Variants in GCNT4 observed in about 807,000 individuals in gnomAD.
GCNT4 encodes the protein glucosaminyl (N-acetyl) transferase 4, also known as beta-1,3-galactosyl-O-glycosyl-glycoprotein beta-1,6-N-acetylglucosaminyltransferase 4.
Under a neutral mutation model 31.3 loss-of-function variants are expected in GCNT4, and 17 were observed. That is an observed-to-expected ratio of 0.54 (90% CI 0.37 to 0.81). GCNT4 has a LOEUF of 0.81. GCNT4 is among the 40% of genes least tolerant of loss of function. The pLI, the probability that GCNT4 is intolerant of heterozygous loss-of-function variation, is 0.00. For missense variants in GCNT4, 503 were observed against 525.5 expected (o/e 0.96, Z 0.42); for synonymous variants, 158 against 190.6 (o/e 0.83, Z 1.41).
downstream of GCNT4, among the ~76,000 whole-genome samples, chr5:75,024,462 T>G (rs1281001725): frequency 6.6e-6 from 1 of 152,116 alleles, no homozygotes; most frequent in Non-Finnish European, 1.5e-5. Context: ...ACATACTGGG[T>G]AGGCTGGTGA....
At chr5:75,050,093 A>G (rs944849776) in intron 2 of GCNT4, among the ~76,000 whole-genome samples, 3 of 152,232 alleles carry the variant, frequency 2.0e-5, no homozygotes, top group African/African-American at 7.2e-5. Context: ...CCTGGTCCTA[A>G]GCTAGGCAGT....
At chr5:75,048,412 T>C (rs533595196) in intron 2 of GCNT4, among the ~76,000 whole-genome samples, 4 of 152,284 alleles carry the variant, frequency 2.6e-5, no homozygotes, top group South Asian at 4.1e-4. Context: ...CCCTGGTTCA[T>C]GGAGAATTGT....
At chr5:75,043,161 T>C (rs1218830471) in intron 3 of GCNT4, among the ~76,000 whole-genome samples, 1 of 152,286 alleles carries the variant, frequency 6.6e-6, no homozygotes, top group African/African-American at 2.4e-5. Flanking sequence ...TTGTTTAGTT[T>C]ACTAAGTGTC....
chr5:75,031,177 C>T (rs1202458965), intron 3 of GCNT4, among the ~76,000 whole-genome samples: 6 of 151,686 alleles, frequency 4.0e-5, no homozygotes, highest in Non-Finnish European at 7.4e-5. Context: ...TGGGCTCAAG[C>T]GATCCTCCTG....
downstream of GCNT4, among the ~76,000 whole-genome samples, chr5:75,024,719 C>T (rs1399213466): frequency 2.0e-5 from 3 of 151,980 alleles, no homozygotes; most frequent in East Asian, 1.9e-4. Flanking sequence ...AATCCCAGCA[C>T]TTTGGGAGGA....
At chr5:75,042,269 T>C (rs539910598) in intron 3 of GCNT4, among the ~76,000 whole-genome samples, 8 of 152,330 alleles carry the variant, frequency 5.3e-5, no homozygotes, top group African/African-American at 1.9e-4. Context: ...CTTCTTTTTC[T>C]ATAAAGTAGA....
Position 75,052,204 on chromosome 5 carries a change from C to A in GCNT4, c.-178G>T, listed in dbSNP as rs1743586610. ...TAAACGCATTATATTAGCCCCAACT[C>A]TGTTAATCTTCTGGTTTGTTGTTCT... On this transcript the variant is annotated 5_prime_UTR_variant, in exon 2 of 4. Transcript: ENST00000652361. 6.9e-6 allele frequency: 1 copy of A among 144,410 alleles called. No homozygotes were observed. Among genetic ancestry groups the A allele is most frequent in the African/African-American group, 2.6e-5 (1 of 38,496 alleles). 8.9% of individuals were successfully genotyped at this position (144,410 alleles called of 1,614,324 possible). A position where few individuals can be genotyped will look rare whatever the true frequency, so the allele number is the denominator to read the frequency against.
chr5:75,041,935 G>A (rs1013302736), intron 3 of GCNT4, among the ~76,000 whole-genome samples: 3 of 152,196 alleles, frequency 2.0e-5, no homozygotes, highest in African/African-American at 7.2e-5. Flanking sequence ...TCAAAAGGGA[G>A]TAAAACATTA....
chr5:75,029,205 T>C lies in GCNT4; in HGVS notation c.833A>G (p.Tyr278Cys). The change falls in exon 4 of 4, where the codon TAT becomes TGT. Residue 278 changes from tyrosine to cysteine, a missense_variant. Tyr to Cys is a radical substitution (Grantham distance 194). Coordinates refer to ENST00000652361, the MANE Select transcript of GCNT4 (RefSeq NM_001366737.1). The stretch of plus-strand genomic sequence containing the variant: ...GTTTGTCCTTATTGGTAGCTTCACA[T>C]ATTCATAAGGCACCCGTCTAAGTTC... ...HHELRRVPYE[Y>C]VKLPIRTNIS... 6.2e-7 allele frequency: 1 copy of C among 1,614,046 alleles called. No individual in the cohort carries two copies. Among genetic ancestry groups the C allele is most frequent in the Non-Finnish European group, 8.5e-7 (1 of 1,180,018 alleles).
upstream of GCNT4, among the ~76,000 whole-genome samples, chr5:75,053,948 C>G (rs1048318708): frequency 2.0e-5 from 3 of 152,166 alleles, no homozygotes; most frequent in Non-Finnish European, 4.4e-5. Context: ...AGCAAACTCA[C>G]ATCCGCGGCT....
upstream of GCNT4, among the ~76,000 whole-genome samples, chr5:75,053,790 A>G (rs574878228): frequency 6.6e-6 from 1 of 152,056 alleles, no homozygotes; most frequent in Non-Finnish European, 1.5e-5. Flanking sequence ...CGCGCTTCGG[A>G]CAAAGTTCTC....
chr5:75,040,943 A>C (rs1743302131), intron 3 of GCNT4, among the ~76,000 whole-genome samples: 1 of 117,488 alleles, frequency 8.5e-6, no homozygotes, highest in African/African-American at 5.0e-5. Flanking sequence ...TAATCTTTAG[A>C]GTTTTTTCCC....
intron 3 of GCNT4, among the ~76,000 whole-genome samples, chr5:75,040,185 T>A (rs929563503): frequency 8.3e-6 from 1 of 120,910 alleles, no homozygotes; most frequent in South Asian, 2.3e-4. Flanking sequence ...TCTGATAACT[T>A]TTTTTTTTTT....
chr5:75,024,743 A>G (rs1742921764), downstream of GCNT4, among the ~76,000 whole-genome samples: 1 of 152,074 alleles, frequency 6.6e-6, no homozygotes, highest in Non-Finnish European at 1.5e-5. Flanking sequence ...CGAGGTCAGG[A>G]GTTTGAGACC....
intron 3 of GCNT4, 145 bp from the exon 4 acceptor site, chr5:75,030,183 C>T: frequency 1.4e-6 from 1 of 717,746 alleles, no homozygotes; most frequent in Non-Finnish European, 2.3e-6. Context: ...TTGAAAGAAT[C>T]CAGAAATAAG....
At chr5:75,034,489 A>C (rs756990703) in intron 3 of GCNT4, among the ~76,000 whole-genome samples, 20 of 152,220 alleles carry the variant, frequency 1.3e-4, no homozygotes, top group Admixed American at 1.0e-3. Flanking sequence ...CACCTTCTGC[A>C]AGCACTGCAC....
chr5:75,039,769 T>C (rs2149966984), intron 3 of GCNT4, among the ~76,000 whole-genome samples: 1 of 152,282 alleles, frequency 6.6e-6, no homozygotes, highest in Non-Finnish European at 1.5e-5. Context: ...CAAAATAACC[T>C]TACCTGGCTT....
intron 3 of GCNT4, among the ~76,000 whole-genome samples, chr5:75,035,213 C>A (rs1743169821): frequency 1.3e-5 from 2 of 152,256 alleles, no homozygotes; most frequent in Non-Finnish European, 2.9e-5. Flanking sequence ...GCATTCAGGG[C>A]TAAATGGCTA....
At position 75,026,647 on chromosome 5, in the gene GCNT4, C is replaced by CAAAAAAAAAAAAAAAA. The variant is rs547466422; in HGVS notation, c.*2013_*2028dup. ...CATATACTATTTCAATCGATTCTCACAAAAAAAAAAAAAAAAAAAAAAAAA... is the reference window on the plus strand; with the variant it reads ...CATATACTATTTCAATCGATTCTCACAAAAAAAAAAAAAAAAAAAAAAAAAAAAAAAAAAAAAAAAA... On this transcript the variant is annotated 3_prime_UTR_variant, in exon 4 of 4. Transcript: ENST00000652361. The CAAAAAAAAAAAAAAAA allele has an allele frequency of 1.5e-5, 1 of 65,804 alleles. No individual in the cohort carries two copies. The highest frequency in any genetic ancestry group is 5.2e-5 in the African/African-American group (1 of 19,176). 4.1% of individuals were successfully genotyped at this position (65,804 alleles called of 1,614,324 possible).
Sources: gnomAD v4.1 joint callset for allele counts (sites outside exome capture counted in the v4.1 genomes callset) on GRCh38, gnomAD v4.1.1 for gene constraint, MANE v1.5 for transcripts, NCBI Gene and HGNC (gene_info 2026-07-23, HGNC 2026-07-21) for gene names.